TBX15: variants seen among roughly 807,000 people sequenced by gnomAD.
TBX15 encodes T-box transcription factor 15, also known as T-box transcription factor TBX15.
Under a neutral mutation model 53.9 loss-of-function variants are expected in TBX15, and 18 were observed. The ratio of observed to expected loss-of-function variants is 0.33; its 90% CI spans 0.23 to 0.49. The LOEUF is 0.49. Among genes scored for constraint, TBX15 ranks in the 20% least tolerant of loss-of-function variants. The probability of loss-of-function intolerance (pLI) is 0.98; values close to 1 mark genes in which losing one functional copy is unlikely to be tolerated. For missense variants in TBX15, 692 were observed against 749.5 expected (o/e 0.92, Z 0.90); for synonymous variants, 295 against 278.0 (o/e 1.06, Z -0.61).
chr1:118,974,551 A>T (rs548323412), intron 1 of TBX15, among the ~76,000 whole-genome samples: 1 of 152,218 alleles, frequency 6.6e-6, no homozygotes, highest in Non-Finnish European at 1.5e-5. Context: ...TAATGGAAAG[A>T]CAGTGAACAG....
In TBX15 at chr1:118,948,682, CCTA is replaced by C. The variant is rs540726181; in HGVS notation, c.206-16853_206-16851del. 4.0e-4 allele frequency among the ~76,000 whole-genome samples: 61 copies of C among 152,288 alleles called. 1 individual carries two copies. The South Asian group carries it at 0.012, about 30-fold the overall frequency. ...TGTTTTTCAACTTCACAAAGAAACA[CCTA>C]GTAAAAGATCTTGCTATTGATTCTC... On this transcript the variant is annotated intron_variant, in intron 1 of 7. Coordinates refer to ENST00000369429, the MANE Select transcript of TBX15 (RefSeq NM_001330677.2).
chr1:118,960,265 G>C (rs2645287), intron 1 of TBX15, among the ~76,000 whole-genome samples: 3,830 of 152,266 alleles, frequency 0.025, 173 homozygotes, highest in African/African-American at 0.088. Context: ...GCTTGCACTG[G>C]AAAACTTGCC....
chr1:118,955,365 T>G (rs1025293282), intron 1 of TBX15, among the ~76,000 whole-genome samples: 1 of 152,200 alleles, frequency 6.6e-6, no homozygotes, highest in East Asian at 1.9e-4. Flanking sequence ...ACAGAAAAAC[T>G]TTATACTTAT....
At chr1:118,931,054 A>T (rs891669304) in intron 2 of TBX15, among the ~76,000 whole-genome samples, 3 of 152,248 alleles carry the variant, frequency 2.0e-5, no homozygotes, top group Non-Finnish European at 4.4e-5. Context: ...GTCTATATCA[A>T]GAGAAGCTGT....
chr1:118,958,696 T>C (rs1656772636), intron 1 of TBX15, among the ~76,000 whole-genome samples: 1 of 152,126 alleles, frequency 6.6e-6, no homozygotes, highest in South Asian at 2.1e-4. Flanking sequence ...CCCAGAGAAG[T>C]AGCTAAACCT....
At chr1:118,902,392 T>C (rs981906445) in intron 6 of TBX15, among the ~76,000 whole-genome samples, 2 of 152,174 alleles carry the variant, frequency 1.3e-5, no homozygotes, top group Non-Finnish European at 2.9e-5. Flanking sequence ...TTAGGTCCCA[T>C]GTTCTTCTAT....
chr1:118,942,405 A>G (rs1656212337), intron 1 of TBX15, among the ~76,000 whole-genome samples: 1 of 152,234 alleles, frequency 6.6e-6, no homozygotes, highest in African/African-American at 2.4e-5. Context: ...TTAGCAAAGT[A>G]AGAGAAGAGA....
At chr1:118,959,676 C>T (rs143805776) in intron 1 of TBX15, among the ~76,000 whole-genome samples, 270 of 152,316 alleles carry the variant, frequency 1.8e-3, no homozygotes, top group African/African-American at 5.9e-3. Flanking sequence ...CCCCCTAATT[C>T]ATCATTGTTA....
At chr1:118,982,032 A>G (rs1222073949) in intron 1 of TBX15, among the ~76,000 whole-genome samples, 3 of 152,242 alleles carry the variant, frequency 2.0e-5, no homozygotes, top group Admixed American at 2.0e-4. Flanking sequence ...TCAGATGGGA[A>G]AATCATTTAA....
At chr1:118,949,615 C>T (rs866042618) in intron 1 of TBX15, among the ~76,000 whole-genome samples, 12 of 152,256 alleles carry the variant, frequency 7.9e-5, no homozygotes, top group Non-Finnish European at 1.2e-4. Flanking sequence ...AGCCTTGAAA[C>T]ATCAGCGTGT....
At chr1:118,921,343 AT>A (rs1351353199) in intron 5 of TBX15, among the ~76,000 whole-genome samples, 1 of 152,214 alleles carries the variant, frequency 6.6e-6, no homozygotes, top group Non-Finnish European at 1.5e-5. Context: ...AATAAAAACA[AT>A]TTTCAGACAT....
At chr1:118,949,586 C>T (rs1187299333) in intron 1 of TBX15, among the ~76,000 whole-genome samples, 1 of 152,218 alleles carries the variant, frequency 6.6e-6, no homozygotes, top group African/African-American at 2.4e-5. Context: ...ATTTTCAGGG[C>T]TCCAGCTGGG....
intron 1 of TBX15, among the ~76,000 whole-genome samples, chr1:118,982,976 CTG>C (rs1472072404): frequency 6.6e-6 from 1 of 152,184 alleles, no homozygotes; most frequent in Non-Finnish European, 1.5e-5. Context: ...CGGCGGTAGA[CTG>C]TGTGTGAAGT....
At chr1:118,968,492 C>G (rs905202477) in intron 1 of TBX15, among the ~76,000 whole-genome samples, 1 of 152,176 alleles carries the variant, frequency 6.6e-6, no homozygotes, top group Non-Finnish European at 1.5e-5. Context: ...CAGGTGTGAA[C>G]CACTACGCCC....
chr1:118,933,477 T>C (rs1655870090), intron 1 of TBX15, among the ~76,000 whole-genome samples: 1 of 131,472 alleles, frequency 7.6e-6, no homozygotes, highest in Admixed American at 7.6e-5. Context: ...AAAAAAAAAC[T>C]ATAAAGTTTT....
chr1:118,930,705 C>T (rs891701319), intron 2 of TBX15, among the ~76,000 whole-genome samples: 8 of 152,214 alleles, frequency 5.3e-5, no homozygotes, highest in South Asian at 2.1e-4. Context: ...CGTGAGCCAC[C>T]GTGCCCGGCC....
At chr1:118,958,109 A>C (rs1656752499) in intron 1 of TBX15, among the ~76,000 whole-genome samples, 1 of 152,260 alleles carries the variant, frequency 6.6e-6, no homozygotes, top group Non-Finnish European at 1.5e-5. Flanking sequence ...CAAAATTCTT[A>C]TGTCAAAACC....
At position 118,967,394 on chromosome 1, in the gene TBX15, G is replaced by T. The variant is rs929168441; in HGVS notation, c.205+20197C>A. Among the ~76,000 whole-genome samples the T allele has an allele frequency of 8.5e-5, 13 of 152,118 alleles. 1 individual carries two copies. Among genetic ancestry groups the T allele is most frequent in the Admixed American group, 5.9e-4 (9 of 15,272 alleles). On this transcript the variant is annotated intron_variant, in intron 1 of 7. Transcript: ENST00000369429. ...AATGCTATATAAAAATCATAAAAAT[G>T]ACCTATAAGTAGCAGCATAATTAGG...
chr1:118,910,240 A>G (rs903999201), intron 6 of TBX15, among the ~76,000 whole-genome samples: 1 of 152,192 alleles, frequency 6.6e-6, no homozygotes, highest in African/African-American at 2.4e-5. Flanking sequence ...ACCAAAAAAC[A>G]TTGGACAAGC....
Sources: allele counts gnomAD v4.1 joint callset (sites outside exome capture counted in the v4.1 genomes callset), GRCh38; gene constraint gnomAD v4.1.1; transcripts MANE v1.5; gene names NCBI Gene and HGNC (gene_info 2026-07-23, HGNC 2026-07-21).